Variants in KIAA1755 observed in about 807,000 individuals in gnomAD.
The protein encoded by KIAA1755 is KIAA1755.
In KIAA1755, 68 loss-of-function variants were observed where a neutral mutation model predicts 91.7. The ratio of observed to expected loss-of-function variants is 0.74; its 90% CI spans 0.61 to 0.91. The LOEUF (loss-of-function observed/expected upper bound fraction) is 0.91. Among genes scored for constraint, KIAA1755 ranks in the 40% least tolerant of loss-of-function variants. The pLI, the probability that KIAA1755 is intolerant of heterozygous loss-of-function variation, is 0.00. For synonymous variants in KIAA1755, 610 were observed against 604.6 expected, an observed-to-expected ratio of 1.01 and a Z score of -0.13; for missense variants, 1,535 against 1,494.4, an observed-to-expected ratio of 1.03 and a Z score of -0.45.
chr20:38,226,229 C>G (rs1288888384), intron 7 of KIAA1755, among the ~76,000 whole-genome samples: 2 of 152,326 alleles, frequency 1.3e-5, no homozygotes, highest in African/African-American at 2.4e-5. Flanking sequence ...TAAATCCCAA[C>G]AGTGTCCTCT....
At chr20:38,245,130 G>A (rs1355013051) in intron 2 of KIAA1755, among the ~76,000 whole-genome samples, 2 of 152,190 alleles carry the variant, frequency 1.3e-5, no homozygotes, top group Non-Finnish European at 2.9e-5. Context: ...CACAGTGATT[G>A]GTCCAGGAAT....
rs1404978225 is a variant in KIAA1755, at chr20:38,213,629, C to A, written c.3016G>T (p.Ala1006Ser). Residue 1006 changes from alanine (A) to serine (S), a missense_variant, in exon 14 of 14, where the codon GCA becomes TCA. Coordinates refer to ENST00000279024, the MANE Select transcript of KIAA1755 (RefSeq NM_001029864.2). ...RRLHRYLQRL[A>S]SEFPAEKLAA... is the part of the protein sequence containing the mutation. ...AGCTTCTCAGCAGGGAACTCAGATG[C>A]CAGTCGCTGCAGGTAGCGGTGGAGG... 1 of 1,611,024 alleles carries A rather than the reference C, an allele frequency of 6.2e-7. No individual in the cohort carries two copies.
At chr20:38,254,742 C>T (rs1232526916) in intron 1 of KIAA1755, among the ~76,000 whole-genome samples, 3 of 151,692 alleles carry the variant, frequency 2.0e-5, no homozygotes, top group East Asian at 3.9e-4. Context: ...ACTATGATCA[C>T]ACCACTGTAC....
At chr20:38,224,383 T>C (rs1381030857) in intron 8 of KIAA1755, among the ~76,000 whole-genome samples, 1 of 152,288 alleles carries the variant, frequency 6.6e-6, no homozygotes, top group East Asian at 1.9e-4. Context: ...GAAAAGGAGA[T>C]TGTTCAGTAG....
Position 38,231,344 on chromosome 20 carries a change from A to G in KIAA1755, c.1748-19T>C, listed in dbSNP as rs1240905575. 6.3e-7 allele frequency: 1 copy of G among 1,595,444 alleles called. No individual in the cohort carries two copies. The highest frequency in any genetic ancestry group is 8.5e-7 in the Non-Finnish European group (1 of 1,173,028). On this transcript the variant is annotated intron_variant, in intron 4 of 13. Coordinates refer to ENST00000279024, the MANE Select transcript of KIAA1755 (RefSeq NM_001029864.2). The stretch of plus-strand genomic sequence containing the variant: ...CGGCCACCTGGAGGACAGAGGGCAC[A>G]CGTGAGCAGTGAGAACTTGTGGGGG...
At position 38,231,318 on chromosome 20, in the gene KIAA1755, C is replaced by T. The variant is rs752047004; in HGVS notation, c.1755G>A (p.Arg585=). The T allele has an allele frequency of 1.9e-6, 3 of 1,608,382 alleles. No individual in the cohort carries two copies. The highest frequency in any genetic ancestry group is 2.2e-5 in the East Asian group (1 of 44,788). The part of the protein sequence containing the change: ...RSRIACLPGG[R]DRAGRPLLLV... ...GAAGCAGGGGCCGCCCGGCCCTGTC[C>T]CGGCCACCTGGAGGACAGAGGGCAC... Residue 585 remains arginine, a synonymous_variant, in exon 5 of 14, where the codon CGG becomes CGA. Transcript: ENST00000279024.
At chr20:38,238,354 T>C (rs562450261) in intron 4 of KIAA1755, among the ~76,000 whole-genome samples, 6 of 152,348 alleles carry the variant, frequency 3.9e-5, no homozygotes, top group Admixed American at 2.0e-4. Context: ...TGAAGAGATA[T>C]GGAAGTCTGT....
intron 1 of KIAA1755, among the ~76,000 whole-genome samples, chr20:38,255,310 T>C (rs2076321969): frequency 6.6e-6 from 1 of 152,022 alleles, no homozygotes; most frequent in Non-Finnish European, 1.5e-5. Flanking sequence ...ACTGGCTGAG[T>C]GTGAGAAAGC....
chr20:38,237,957 C>T (rs773711960), intron 4 of KIAA1755, among the ~76,000 whole-genome samples: 4 of 152,122 alleles, frequency 2.6e-5, no homozygotes, highest in Non-Finnish European at 4.4e-5. Flanking sequence ...ACATGCTACA[C>T]ATCAGGCATG....
At chr20:38,250,910 G>T (rs1223767892) in intron 1 of KIAA1755, among the ~76,000 whole-genome samples, 1 of 152,084 alleles carries the variant, frequency 6.6e-6, no homozygotes, top group Non-Finnish European at 1.5e-5. Context: ...TGTTTGGGTG[G>T]ATCTGTGGCA....
chr20:38,216,854 C>T (rs1275764279), intron 13 of KIAA1755: 1 of 482,880 alleles, frequency 2.1e-6, no homozygotes, highest in East Asian at 6.2e-5. Flanking sequence ...AACCCCTCAT[C>T]CTCACCATGG....
At chr20:38,248,053 C>G (rs2076187261) in intron 1 of KIAA1755, among the ~76,000 whole-genome samples, 1 of 152,060 alleles carries the variant, frequency 6.6e-6, no homozygotes, top group African/African-American at 2.4e-5. Context: ...CATAGCAAAA[C>G]CCCATCTTTA....
At chr20:38,243,628 A>T (rs1301618059) in intron 2 of KIAA1755, among the ~76,000 whole-genome samples, 1 of 152,230 alleles carries the variant, frequency 6.6e-6, no homozygotes, top group East Asian at 1.9e-4. Flanking sequence ...GCTCATAGCC[A>T]CACAGCTGAT....
intron 1 of KIAA1755, chr20:38,260,138 A>G (rs976462351): frequency 1.6e-6 from 2 of 1,216,260 alleles, no homozygotes; most frequent in Non-Finnish European, 2.1e-6. Flanking sequence ...CTGCCGGGAC[A>G]ATGTGCATAT....
chr20:38,241,220 G>GC lies in KIAA1755; in HGVS notation c.910dup (p.Ala304GlyfsTer9). On this transcript the variant is annotated frameshift_variant, in exon 3 of 14. Coordinates refer to ENST00000279024, the MANE Select transcript of KIAA1755 (RefSeq NM_001029864.2). LOFTEE classifies it high-confidence loss of function. ...CTTAGTTCCAGCTATCTCCTCTAGTGCCCCAGAAGTACACCCACTGGATGT... is the reference window on the plus strand; with the variant it reads ...CTTAGTTCCAGCTATCTCCTCTAGTGCCCCCAGAAGTACACCCACTGGATGT... 1 of 1,614,096 alleles carries GC rather than the reference G, an allele frequency of 6.2e-7. No homozygotes were observed. The highest frequency in any genetic ancestry group is 1.1e-5 in the South Asian group (1 of 91,076).
intron 5 of KIAA1755, among the ~76,000 whole-genome samples, chr20:38,229,026 C>T (rs1335583606): frequency 1.3e-5 from 2 of 152,210 alleles, no homozygotes; most frequent in African/African-American, 4.8e-5. Flanking sequence ...CCCCTCTAGC[C>T]ATCTGGCCAG....
chr20:38,257,259 A>G (rs529525807), intron 1 of KIAA1755, among the ~76,000 whole-genome samples: 1 of 152,316 alleles, frequency 6.6e-6, no homozygotes, highest in Non-Finnish European at 1.5e-5. Context: ...ACTGCCATGC[A>G]GCAGGTATGT....
chr20:38,232,006 C>A (rs574115431), intron 4 of KIAA1755, among the ~76,000 whole-genome samples: 30 of 152,100 alleles, frequency 2.0e-4, no homozygotes, highest in Non-Finnish European at 4.0e-4. Context: ...GCTGAGGCTC[C>A]GGGAGCCAGT....
chr20:38,239,508 C>A lies in KIAA1755; in HGVS notation c.1747+20G>T. The A allele has an allele frequency of 6.2e-7, 1 of 1,612,522 alleles. No individual in the cohort carries two copies. ...CCCCCAGCTCCCTCCCTACCACCTC[C>A]TGCTTGAATCCCCTGGAACCTGGCA... On this transcript the variant is annotated intron_variant, in intron 4 of 13. Coordinates refer to ENST00000279024, the MANE Select transcript of KIAA1755 (RefSeq NM_001029864.2).
Sources: allele counts gnomAD v4.1 joint callset (sites outside exome capture counted in the v4.1 genomes callset), GRCh38; gene constraint gnomAD v4.1.1; transcripts MANE v1.5; gene names NCBI Gene and HGNC (gene_info 2026-07-23, HGNC 2026-07-21).